The following NXPE1 variants were observed in gnomAD, a reference collection of about 807,000 sequenced individuals.
NXPE1 encodes NXPE family member 1.
Under a neutral mutation model 33.3 loss-of-function variants are expected in NXPE1, and 31 were observed. That is an observed-to-expected ratio of 0.93 (90% CI 0.70 to 1.26). The LOEUF is 1.26. Among genes scored for constraint, NXPE1 ranks in the 50% most tolerant of loss-of-function variants. NXPE1 has a pLI of 0.00. For missense variants in NXPE1, 661 were observed against 655.6 expected (o/e 1.01, Z -0.09); for synonymous variants, 229 against 231.4 (o/e 0.99, Z 0.09).
chr11:114,535,214 T>C (rs1219879265), intron 5 of NXPE1, among the ~76,000 whole-genome samples: 1 of 152,046 alleles, frequency 6.6e-6, no homozygotes, highest in East Asian at 1.9e-4. Context: ...TACAATACTT[T>C]ACAGACAAGC....
intron 5 of NXPE1, among the ~76,000 whole-genome samples, chr11:114,548,745 TAGAAAA>T (rs1948362152): frequency 6.6e-6 from 1 of 151,068 alleles, no homozygotes; most frequent in Admixed American, 6.6e-5. Flanking sequence ...GTTAAAAAGT[TAGAAAA>T]AGGAAAACAG....
At chr11:114,523,162 T>C in intron 7 of NXPE1, 71 bp from the exon 8 acceptor site, 2 of 1,119,920 alleles carry the variant, frequency 1.8e-6, no homozygotes, top group Non-Finnish European at 2.7e-6. Context: ...TCCTGGTCTT[T>C]CATTTTCTTG....
At chr11:114,521,704 G>T in exon 9 of NXPE1, 1 of 388,518 alleles carries the variant, frequency 2.6e-6, no homozygotes, top group South Asian at 4.6e-5. Flanking sequence ...TTTCAAATCA[G>T]CTTAATAACA....
At chr11:114,530,227 G>T in exon 6 of NXPE1, 1 of 1,613,764 alleles carries the variant, frequency 6.2e-7, no homozygotes, top group Non-Finnish European at 8.5e-7. Context: ...TCTCTATTCC[G>T]GGTGGTCATG....
rs760202313 is a variant in NXPE1, at chr11:114,523,851, A to G, written c.896-760T>C. 1.2e-4 allele frequency among the ~76,000 whole-genome samples: 19 copies of G among 152,356 alleles called. 1 individual carries two copies. Among genetic ancestry groups the G allele is most frequent in the Admixed American group, 9.8e-4 (15 of 15,306 alleles). On this transcript the variant is annotated intron_variant, in intron 7 of 8. Transcript: ENST00000534921. ...AATGCCTTGTATTTTAGGATTTGTTATATCAGGACTTCTATACTGATACTA... is the reference window on the plus strand; with the variant it reads ...AATGCCTTGTATTTTAGGATTTGTTGTATCAGGACTTCTATACTGATACTA...
intron 1 of NXPE1, chr11:114,554,090 T>C: frequency 1.0e-6 from 1 of 985,468 alleles, no homozygotes; most frequent in Non-Finnish European, 1.2e-6. Context: ...GGCCACTATC[T>C]GACTCACTTG....
chr11:114,538,267 C>A (rs1325683215), intron 5 of NXPE1, among the ~76,000 whole-genome samples: 1 of 152,152 alleles, frequency 6.6e-6, no homozygotes, highest in East Asian at 1.9e-4. Context: ...ACACCTTATA[C>A]AAAAATTAAT....
chr11:114,522,615 G>A (rs1729978153), intron 8 of NXPE1, 112 bp from the exon 9 acceptor site: 1 of 899,262 alleles, frequency 1.1e-6, no homozygotes. Flanking sequence ...GCTCACTGGA[G>A]CCTTTCTACT....
chr11:114,528,232 A>G (rs1321301013), intron 6 of NXPE1, among the ~76,000 whole-genome samples: 1 of 152,172 alleles, frequency 6.6e-6, no homozygotes, highest in East Asian at 1.9e-4. Context: ...AGTTTGCAGA[A>G]TAGTTTCCTT....
At chr11:114,531,902 A>G (rs1326491104) in intron 5 of NXPE1, among the ~76,000 whole-genome samples, 3 of 152,220 alleles carry the variant, frequency 2.0e-5, no homozygotes, top group African/African-American at 7.2e-5. Context: ...GCTGGTAGTC[A>G]GAAACACCGG....
At chr11:114,533,542 A>C (rs997064699) in intron 5 of NXPE1, among the ~76,000 whole-genome samples, 8 of 152,192 alleles carry the variant, frequency 5.3e-5, no homozygotes, top group Admixed American at 4.6e-4. Flanking sequence ...CTAGTCAAAG[A>C]AAGGGGTGAC....
At chr11:114,529,649 A>G (rs1468304159) in intron 6 of NXPE1, 1 of 158,972 alleles carries the variant, frequency 6.3e-6, no homozygotes, top group East Asian at 1.9e-4. Context: ...ATATCTGATC[A>G]TGGGATCAAC....
At chr11:114,534,795 C>A (rs1366669810) in intron 5 of NXPE1, among the ~76,000 whole-genome samples, 1 of 152,160 alleles carries the variant, frequency 6.6e-6, no homozygotes, top group African/African-American at 2.4e-5. Flanking sequence ...AAGACCAAAT[C>A]TACGTCTAAT....
rs78381576 is a variant in NXPE1 at position 114,525,187 on chromosome 11, C to T, written c.896-2096G>A. On this transcript the variant is annotated intron_variant, in intron 7 of 8. Coordinates refer to ENST00000534921, the Ensembl canonical transcript of NXPE1. ...GCTTGTAAGTCCCTACTAAATGTTT[C>T]GAGAAACTGGATGTGTCAGACTCTT... 3.1e-3 allele frequency among the ~76,000 whole-genome samples: 463 copies of T among 151,772 alleles called. 3 individuals are homozygous for T. The highest frequency in any genetic ancestry group is 0.011 in the African/African-American group (438 of 41,356).
intron 1 of NXPE1, among the ~76,000 whole-genome samples, 196 bp from the exon 2 acceptor site, chr11:114,553,076 A>G (rs1948553258): frequency 6.6e-6 from 1 of 152,048 alleles, no homozygotes; most frequent in African/African-American, 2.4e-5. Context: ...CTCAATCTCC[A>G]CCATGCTTCC....
intron 2 of NXPE1, 77 bp downstream of exon 2, chr11:114,552,775 C>A: frequency 1.8e-6 from 1 of 544,478 alleles, no homozygotes; most frequent in Non-Finnish European, 2.3e-6. Context: ...ATTGCTATTG[C>A]ACTTTTATAA....
intron 5 of NXPE1, among the ~76,000 whole-genome samples, chr11:114,546,046 T>G (rs6589438): frequency 0.23 from 34,602 of 152,090 alleles, 5,559 homozygotes; most frequent in African/African-American, 0.45. Context: ...AGGGACTAAA[T>G]GGTAGAACAC....
intron 1 of NXPE1, among the ~76,000 whole-genome samples, chr11:114,558,429 A>G (rs1243283896): frequency 1.3e-5 from 2 of 152,142 alleles, no homozygotes; most frequent in Non-Finnish European, 2.9e-5. Context: ...ACTATGTGTA[A>G]TTAAATATAT....
intron 1 of NXPE1, among the ~76,000 whole-genome samples, chr11:114,556,569 T>C (rs1371950618): frequency 6.6e-6 from 1 of 151,992 alleles, no homozygotes; most frequent in South Asian, 2.1e-4. Flanking sequence ...CTGAGGTATA[T>C]TGTCAGGATA....
Sources: allele counts gnomAD v4.1 joint callset (sites outside exome capture counted in the v4.1 genomes callset), GRCh38; gene constraint gnomAD v4.1.1; transcripts MANE v1.5; gene names NCBI Gene and HGNC (gene_info 2026-07-23, HGNC 2026-07-21).